NEO1: variants seen among roughly 807,000 people sequenced by gnomAD.
NEO1 encodes the protein neogenin 1.
NEO1 carries 63 observed loss-of-function variants against 159.7 expected under a neutral mutation model. The ratio of observed to expected loss-of-function variants is 0.39; its 90% CI spans 0.32 to 0.49. The LOEUF (loss-of-function observed/expected upper bound fraction) is 0.49, where lower values mean the gene tolerates loss of function less well. Among genes scored for constraint, NEO1 ranks in the 20% least tolerant of loss-of-function variants. The pLI, the probability that NEO1 is intolerant of heterozygous loss-of-function variation, is 0.85. For synonymous variants in NEO1, 633 were observed against 662.0 expected, an observed-to-expected ratio of 0.96 and a Z score of 0.67; for missense variants, 1,615 against 1,831.0, an observed-to-expected ratio of 0.88 and a Z score of 2.15.
chr15:73,243,050 TGA>T (rs755165372), intron 8 of NEO1, among the ~76,000 whole-genome samples: 10 of 152,200 alleles, frequency 6.6e-5, no homozygotes, highest in South Asian at 2.1e-4. Context: ...ATCCTGTGAT[TGA>T]GAGATTTAGC....
At chr15:73,176,376 T>C in intron 5 of NEO1, 27 bp from the exon 6 acceptor site, 1 of 1,440,730 alleles carries the variant, frequency 6.9e-7, no homozygotes, top group Non-Finnish European at 9.3e-7. Context: ...TTTTCATTAA[T>C]GTCTTAATTT....
At chr15:73,090,786 T>C (rs1047920890) in intron 1 of NEO1, among the ~76,000 whole-genome samples, 2 of 152,238 alleles carry the variant, frequency 1.3e-5, no homozygotes, top group African/African-American at 4.8e-5. Context: ...ACATAATTCT[T>C]ACATCGTTAT....
intron 1 of NEO1, among the ~76,000 whole-genome samples, chr15:73,078,011 G>C (rs2068860174): frequency 6.6e-6 from 1 of 152,190 alleles, no homozygotes; most frequent in Non-Finnish European, 1.5e-5. Flanking sequence ...CAAACATCCA[G>C]AAGTGGGAAA....
In NEO1 at chr15:73,296,707, A is replaced by G. The variant is rs10152734; in HGVS notation, c.3902-1641A>G. On this transcript the variant is annotated intron_variant, in intron 26 of 28. Coordinates refer to ENST00000261908, the MANE Select transcript of NEO1 (RefSeq NM_002499.4). Reference sequence around the variant, plus strand: ...GTGGAGGCCTGAAGTCGCATATAGTACTGAACCCTTTATATCTGTTTTCTC... The same window carrying G: ...GTGGAGGCCTGAAGTCGCATATAGTGCTGAACCCTTTATATCTGTTTTCTC... 8.6e-3 allele frequency among the ~76,000 whole-genome samples: 1,316 copies of G among 152,228 alleles called. 23 individuals carry two copies. Among genetic ancestry groups the G allele is most frequent in the African/African-American group, 0.03 (1,243 of 41,554 alleles).
At chr15:73,082,923 A>G (rs901900456) in intron 1 of NEO1, among the ~76,000 whole-genome samples, 5 of 152,204 alleles carry the variant, frequency 3.3e-5, no homozygotes, top group African/African-American at 1.2e-4. Flanking sequence ...GAGATCTGAC[A>G]GATACAGACC....
At chr15:73,240,435 G>T (rs1276277456) in intron 8 of NEO1, among the ~76,000 whole-genome samples, 1 of 152,194 alleles carries the variant, frequency 6.6e-6, no homozygotes, top group Non-Finnish European at 1.5e-5. Context: ...TGAGAAGGAT[G>T]CAAAGGCAAG....
At position 73,122,559 on chromosome 15, in the gene NEO1, C is replaced by T. The variant is rs777860966; in HGVS notation, c.483C>T (p.Ser161=). The T allele has an allele frequency of 2.5e-5, 41 of 1,613,936 alleles. No individual in the cohort carries two copies. Among genetic ancestry groups the T allele is most frequent in the Non-Finnish European group, 3.2e-5 (38 of 1,179,990 alleles). Residue 161 remains serine, a synonymous_variant, in exon 3 of 29, where the codon TCC becomes TCT. Transcript: ENST00000261908. The part of the protein sequence containing the change: ...LPRFTSQPEP[S]SVYAGNNAIL... ...GATTTACCAGCCAACCAGAACCTTC[C>T]TCAGTTTATGCTGGGAACAATGCAA...
intron 7 of NEO1, chr15:73,222,232 A>T (rs199879082): frequency 6.8e-6 from 1 of 147,974 alleles, no homozygotes; most frequent in Non-Finnish European, 1.5e-5. Flanking sequence ...AGCCTCCCGA[A>T]TAGCTGGGAC....
chr15:73,089,650 C>G lies in NEO1; in HGVS notation c.131-26890C>G, dbSNP rs148498630. 3.2e-3 allele frequency among the ~76,000 whole-genome samples: 490 copies of G among 151,756 alleles called. 2 individuals are homozygous for G. The highest frequency in any genetic ancestry group is 5.0e-3 in the Non-Finnish European group (339 of 67,914). On this transcript the variant is annotated intron_variant, in intron 1 of 28. Coordinates refer to ENST00000261908, the MANE Select transcript of NEO1 (RefSeq NM_002499.4). The stretch of plus-strand genomic sequence containing the variant: ...ACTTGGTCAACATTTAAAGGCTTCC[C>G]AGTGTTGACAAAGAAAAGGGAAAAT...
chr15:73,099,617 G>A (rs529038541), intron 1 of NEO1, among the ~76,000 whole-genome samples: 7 of 152,136 alleles, frequency 4.6e-5, no homozygotes, highest in Non-Finnish European at 8.8e-5. Context: ...ACTTCTGTTA[G>A]TAAAGCTGCT....
At chr15:73,077,894 G>A (rs2068853439) in intron 1 of NEO1, among the ~76,000 whole-genome samples, 1 of 152,174 alleles carries the variant, frequency 6.6e-6, no homozygotes, top group African/African-American at 2.4e-5. Context: ...GATAGATCTT[G>A]AAGGCTGGGT....
intron 7 of NEO1, among the ~76,000 whole-genome samples, chr15:73,197,196 T>G (rs918241236): frequency 8.6e-5 from 13 of 151,864 alleles, no homozygotes; most frequent in African/African-American, 3.1e-4. Context: ...CTCATCTCTA[T>G]AAAAATACAA....
intron 1 of NEO1, among the ~76,000 whole-genome samples, chr15:73,079,726 G>A (rs2068949094): frequency 6.6e-6 from 1 of 152,118 alleles, no homozygotes; most frequent in Admixed American, 6.5e-5. Context: ...TTGTGTTGGA[G>A]CTACATAGAG....
chr15:73,065,210 A>C (rs1207130130), intron 1 of NEO1, among the ~76,000 whole-genome samples: 2 of 151,378 alleles, frequency 1.3e-5, no homozygotes, highest in African/African-American at 2.4e-5. Flanking sequence ...ATGTTATTTC[A>C]TACTCACTAT....
chr15:73,227,243 C>A (rs572036982), intron 7 of NEO1, among the ~76,000 whole-genome samples: 2 of 152,290 alleles, frequency 1.3e-5, no homozygotes, highest in African/African-American at 4.8e-5. Flanking sequence ...TACCTGTAAT[C>A]CCAGCACTTT....
intron 7 of NEO1, among the ~76,000 whole-genome samples, chr15:73,187,182 T>A (rs1469877959): frequency 6.6e-6 from 1 of 152,194 alleles, no homozygotes; most frequent in Admixed American, 6.5e-5. Context: ...AAATATTTCC[T>A]TTTTCAATAA....
chr15:73,109,803 G>C lies in NEO1; in HGVS notation c.131-6737G>C, dbSNP rs187685297. ...TATATGTTTATCAGACAATTAAAAT[G>C]ATCTGTATAATATTAACAATTAATT... On this transcript the variant is annotated intron_variant, in intron 1 of 28. Transcript: ENST00000261908. 1.4e-3 allele frequency among the ~76,000 whole-genome samples: 217 copies of C among 152,192 alleles called. 1 individual carries two copies. The highest frequency in any genetic ancestry group is 4.8e-3 in the African/African-American group (198 of 41,544).
intron 13 of NEO1, among the ~76,000 whole-genome samples, chr15:73,257,216 G>A (rs1596498526): frequency 7.9e-6 from 1 of 126,408 alleles, no homozygotes; most frequent in South Asian, 2.7e-4. Flanking sequence ...TTTTCATTTT[G>A]AATATTTAGT....
At position 73,091,541 on chromosome 15, in the gene NEO1, T is replaced by A. The variant is rs146114871; in HGVS notation, c.131-24999T>A. Among the ~76,000 whole-genome samples the A allele has an allele frequency of 3.9e-4, 60 of 151,970 alleles. No individual in the cohort carries two copies. The East Asian group carries it at 7.2e-3, about 18-fold the overall frequency. ...TTTTGCGCATAGTGAACTGTATTCG[T>A]TTTGTTGTTGTTATTGTTTGTTTGT... On this transcript the variant is annotated intron_variant, in intron 1 of 28. Transcript: ENST00000261908.
Sources: gnomAD v4.1 joint callset for allele counts (sites outside exome capture counted in the v4.1 genomes callset) on GRCh38, gnomAD v4.1.1 for gene constraint, MANE v1.5 for transcripts, NCBI Gene and HGNC (gene_info 2026-07-23, HGNC 2026-07-21) for gene names.